Variants in PAPPA2 observed in about 807,000 individuals in gnomAD.
PAPPA2 encodes the protein pappalysin 2, also known as pappalysin-2.
A neutral mutation model predicts 176.4 loss-of-function variants in PAPPA2; 86 were observed. That is an observed-to-expected ratio of 0.49 (90% CI 0.41 to 0.58). PAPPA2 has a LOEUF of 0.58. PAPPA2 is among the 20% of genes least tolerant of loss of function. The pLI, the probability that PAPPA2 is intolerant of heterozygous loss-of-function variation, is 0.00. For synonymous variants in PAPPA2, 809 were observed against 852.2 expected (o/e 0.95, Z 0.88); for missense variants, 2,073 against 2,256.9 (o/e 0.92, Z 1.65).
intron 16 of PAPPA2, among the ~76,000 whole-genome samples, chr1:176,770,735 A>G (rs992140519): frequency 6.6e-6 from 1 of 152,204 alleles, no homozygotes; most frequent in Admixed American, 6.5e-5. Flanking sequence ...CATTTGGGTC[A>G]AGAAAGATTT....
At chr1:176,823,486 G>T (rs768816924) in intron 21 of PAPPA2, among the ~76,000 whole-genome samples, 5 of 152,104 alleles carry the variant, frequency 3.3e-5, no homozygotes, top group Non-Finnish European at 7.4e-5. Context: ...ATAAATAGAA[G>T]AATATGAATT....
At chr1:176,638,209 CA>C (rs888800420) in intron 3 of PAPPA2, among the ~76,000 whole-genome samples, 4 of 151,888 alleles carry the variant, frequency 2.6e-5, no homozygotes, top group African/African-American at 9.7e-5. Context: ...ATTATAAAAC[CA>C]TCTATCCTGA....
At chr1:176,754,211 T>C (rs1350863616) in intron 14 of PAPPA2, among the ~76,000 whole-genome samples, 2 of 152,038 alleles carry the variant, frequency 1.3e-5, no homozygotes, top group Non-Finnish European at 2.9e-5. Flanking sequence ...AAGCTTTTGG[T>C]CAAAAGCTAG....
intron 21 of PAPPA2, among the ~76,000 whole-genome samples, chr1:176,806,594 C>CTAAT (rs1553207549): frequency 4.6e-5 from 7 of 152,306 alleles, no homozygotes; most frequent in Non-Finnish European, 1.0e-4. Flanking sequence ...AGCTCCATCT[C>CTAAT]TAATTAGCTA....
intron 3 of PAPPA2, among the ~76,000 whole-genome samples, chr1:176,632,282 C>T: frequency 6.7e-6 from 1 of 150,056 alleles, no homozygotes; most frequent in Admixed American, 6.7e-5. Flanking sequence ...TCTTAGGAAA[C>T]TAGAAACAAG....
intron 3 of PAPPA2, among the ~76,000 whole-genome samples, chr1:176,620,256 A>T (rs901110523): frequency 6.6e-6 from 1 of 152,144 alleles, no homozygotes; most frequent in Non-Finnish European, 1.5e-5. Flanking sequence ...CACCTTGGGC[A>T]TTAGGATTTC....
chr1:176,706,238 C>G lies in PAPPA2; in HGVS notation c.3366-121C>G, dbSNP rs1044669128. 4 of 779,102 alleles carry G rather than the reference C, an allele frequency of 5.1e-6. No homozygotes were observed. In the African/African-American group the frequency reaches 7.0e-5, roughly 14 times the overall value. The allele number at this position is 779,102 out of a possible 1,614,324, so 48.3% of individuals were successfully genotyped here. A position where few individuals can be genotyped will look rare whatever the true frequency, so the allele number is the denominator to read the frequency against. On this transcript the variant is annotated intron_variant, in intron 9 of 22. Transcript: ENST00000367662. ...TGTAAAAGCATTCTTCTAGCTCCTACTTTTTTCCAACTTGCACTTTTTAAT... is the reference window on the plus strand; with the variant it reads ...TGTAAAAGCATTCTTCTAGCTCCTAGTTTTTTCCAACTTGCACTTTTTAAT...
chr1:176,775,974 A>G (rs1252366100), intron 17 of PAPPA2, among the ~76,000 whole-genome samples: 1 of 152,188 alleles, frequency 6.6e-6, no homozygotes, highest in Admixed American at 6.5e-5. Flanking sequence ...GTTGTAAAGT[A>G]TATGTAGTTT....
chr1:176,575,028 C>A (rs766317351), intron 2 of PAPPA2, among the ~76,000 whole-genome samples: 4 of 152,184 alleles, frequency 2.6e-5, no homozygotes, highest in Non-Finnish European at 5.9e-5. Context: ...TTCTTCAGAA[C>A]ATATCCTGGT....
intron 1 of PAPPA2, among the ~76,000 whole-genome samples, chr1:176,525,791 C>T (rs913414510): frequency 6.6e-6 from 1 of 152,208 alleles, no homozygotes; most frequent in Non-Finnish European, 1.5e-5. Context: ...CTGAAAGTTA[C>T]ACTTCTTGCT....
intron 14 of PAPPA2, among the ~76,000 whole-genome samples, chr1:176,762,203 G>A (rs1470163940): frequency 6.6e-6 from 1 of 151,120 alleles, no homozygotes; most frequent in Non-Finnish European, 1.5e-5. Flanking sequence ...ATTTGCAGCA[G>A]CTGCCCTAAA....
chr1:176,624,301 C>T lies in PAPPA2; in HGVS notation c.1991+28706C>T, dbSNP rs566535845. ...TGCTCTGCCTGTTTCTAGCACCTACCTGAGGAAATAGTGTGGATGACTGAA... is the reference window on the plus strand; with the variant it reads ...TGCTCTGCCTGTTTCTAGCACCTACTTGAGGAAATAGTGTGGATGACTGAA... On this transcript the variant is annotated intron_variant, in intron 3 of 22. Coordinates refer to ENST00000367662, the MANE Select transcript of PAPPA2 (RefSeq NM_020318.3). 3.9e-5 allele frequency among the ~76,000 whole-genome samples: 6 copies of T among 152,260 alleles called. No individual in the cohort carries two copies. The South Asian group carries it at 8.3e-4, about 21-fold the overall frequency.
rs114909355 is a variant in PAPPA2 at position 176,809,846 on chromosome 1, G to A, written c.5202+9714G>A. ...GGTTAGCTTGCCGGAGACATTGCCC[G>A]AGGAATAGTGGCAATCACGGGCTTC... On this transcript the variant is annotated intron_variant, in intron 21 of 22. Coordinates refer to ENST00000367662, the MANE Select transcript of PAPPA2 (RefSeq NM_020318.3). 3.1e-3 allele frequency among the ~76,000 whole-genome samples: 471 copies of A among 152,244 alleles called. 1 individual carries two copies. Among genetic ancestry groups the A allele is most frequent in the African/African-American group, 0.011 (447 of 41,556 alleles).
chr1:176,654,251 C>T (rs1657903164), intron 3 of PAPPA2, among the ~76,000 whole-genome samples: 1 of 151,422 alleles, frequency 6.6e-6, no homozygotes, highest in African/African-American at 2.4e-5. Flanking sequence ...AGATAGGGGT[C>T]CAATTTCATT....
chr1:176,696,803 A>G (rs1225675916), intron 7 of PAPPA2, among the ~76,000 whole-genome samples: 1 of 152,208 alleles, frequency 6.6e-6, no homozygotes, highest in Non-Finnish European at 1.5e-5. Flanking sequence ...CTTGATTGTG[A>G]CACGAAAAAA....
chr1:176,695,996 G>GTA, intron 7 of PAPPA2, 137 bp downstream of exon 7: 1 of 893,682 alleles, frequency 1.1e-6, no homozygotes, highest in Admixed American at 2.7e-5. Context: ...GTGTGTGTGT[G>GTA]TGTGTGTGTG....
intron 21 of PAPPA2, chr1:176,836,776 A>T (rs573832407): frequency 1.3e-5 from 2 of 152,256 alleles, no homozygotes; most frequent in South Asian, 4.2e-4. Flanking sequence ...TCACATCTTG[A>T]TGCTACACTG....
chr1:176,577,182 A>G (rs1652699799), intron 2 of PAPPA2, among the ~76,000 whole-genome samples: 1 of 152,176 alleles, frequency 6.6e-6, no homozygotes, highest in Non-Finnish European at 1.5e-5. Flanking sequence ...TGGGCATCAT[A>G]TGCAGGCCAC....
At chr1:176,588,553 G>A (rs532708805) in intron 2 of PAPPA2, among the ~76,000 whole-genome samples, 1 of 152,294 alleles carries the variant, frequency 6.6e-6, no homozygotes, top group South Asian at 2.1e-4. Context: ...ATTCCACATG[G>A]ACACAGTAGT....
Sources: allele counts gnomAD v4.1 joint callset (sites outside exome capture counted in the v4.1 genomes callset), GRCh38; gene constraint gnomAD v4.1.1; transcripts MANE v1.5; gene names NCBI Gene and HGNC (gene_info 2026-07-23, HGNC 2026-07-21).